The following DDX59 variants were observed in gnomAD, a reference collection of about 807,000 sequenced individuals.
The protein encoded by DDX59 is probable ATP-dependent RNA helicase DDX59.
In DDX59, 30 loss-of-function variants were observed where a neutral mutation model predicts 51.9. That is an observed-to-expected ratio of 0.58 (90% CI 0.43 to 0.78). The LOEUF (loss-of-function observed/expected upper bound fraction) is 0.78, where lower values mean the gene tolerates loss of function less well. Ranked by LOEUF, DDX59 falls within the 30% of genes least tolerant of loss-of-function variation. The pLI, the probability that DDX59 is intolerant of heterozygous loss-of-function variation, is 0.00. For synonymous variants in DDX59, 255 were observed against 253.3 expected (o/e 1.01, Z -0.06); for missense variants, 672 against 730.8 (o/e 0.92, Z 0.93).
chr1:200,658,699 T>C (rs1662187383), intron 4 of DDX59, among the ~76,000 whole-genome samples: 1 of 152,144 alleles, frequency 6.6e-6, no homozygotes, highest in Non-Finnish European at 1.5e-5. Context: ...AGCAAGACCC[T>C]GTCTCATTAC....
chr1:200,651,337 T>C (rs960751240), intron 4 of DDX59, among the ~76,000 whole-genome samples: 1 of 152,122 alleles, frequency 6.6e-6, no homozygotes, highest in Admixed American at 6.5e-5. Flanking sequence ...TAACCCACAA[T>C]GTACGGGTAA....
At chr1:200,642,567 A>G (rs1661078956), downstream of DDX59, among the ~76,000 whole-genome samples, 1 of 152,234 alleles carries the variant, frequency 6.6e-6, no homozygotes, top group Non-Finnish European at 1.5e-5. Context: ...ACAACAGAAG[A>G]GCAGACATGT....
In DDX59 at chr1:200,661,831, T is replaced by C. The variant is rs146273088; in HGVS notation, c.972+2088A>G. ...GTTTGGATCTGTGTCCCCACCCAAATTGCATGTCGAACTGTAATCCCCAAT... is the reference window on the plus strand; with the variant it reads ...GTTTGGATCTGTGTCCCCACCCAAACTGCATGTCGAACTGTAATCCCCAAT... On this transcript the variant is annotated intron_variant, in intron 3 of 7. Coordinates refer to ENST00000331314, the MANE Select transcript of DDX59 (RefSeq NM_001031725.6). 4.1e-3 allele frequency among the ~76,000 whole-genome samples: 631 copies of C among 152,310 alleles called. 3 individuals are homozygous for C. The highest frequency in any genetic ancestry group is 0.014 in the Middle Eastern group (4 of 294).
At chr1:200,650,952 A>G (rs1476990521) in intron 4 of DDX59, among the ~76,000 whole-genome samples, 1 of 152,208 alleles carries the variant, frequency 6.6e-6, no homozygotes, top group Non-Finnish European at 1.5e-5. Flanking sequence ...GGGATTTGCT[A>G]AATTATGGTA....
intron 3 of DDX59, 25 bp from the exon 4 acceptor site, chr1:200,659,141 T>TA (rs764557171): frequency 1.9e-6 from 3 of 1,559,076 alleles, no homozygotes; most frequent in East Asian, 2.2e-5. Context: ...AAAAGCAAAT[T>TA]AAAAAAATCA....
downstream of DDX59, among the ~76,000 whole-genome samples, chr1:200,643,676 C>G (rs569565393): frequency 1.2e-4 from 18 of 151,978 alleles, no homozygotes; most frequent in Non-Finnish European, 2.1e-4. Context: ...AAACAAAAAA[C>G]CTATTAATTG....
intron 3 of DDX59, 106 bp downstream of exon 3, chr1:200,663,813 G>C: frequency 1.8e-6 from 2 of 1,140,070 alleles, no homozygotes; most frequent in Non-Finnish European, 2.3e-6. Flanking sequence ...GAATTTAAAG[G>C]CTCTCTAAAA....
chr1:200,666,527 C>T lies in DDX59; in HGVS notation c.214G>A (p.Val72Ile), dbSNP rs1315130551. The T allele has an allele frequency of 1.9e-6, 3 of 1,614,108 alleles. No homozygotes were observed. Among genetic ancestry groups the T allele is most frequent in the Non-Finnish European group, 1.7e-6 (2 of 1,180,056 alleles). The change falls in exon 2 of 8, where the codon GTT becomes ATT. Residue 72 changes from valine to isoleucine, a missense_variant. Transcript: ENST00000331314. ...CCCTGCTCGGGACTTACTGAATGAA[C>T]CTCTGCCAACTGGCCACCTGGGCTG... ...FPSPGGQLAE[V>I]HSVSPEQGAK...
Position 200,663,965 on chromosome 1 carries a change from C to T in DDX59, c.926G>A (p.Gly309Asp). 1 of 1,614,110 alleles carries T rather than the reference C, an allele frequency of 6.2e-7. No homozygotes were observed. Among genetic ancestry groups the T allele is most frequent in the Non-Finnish European group, 8.5e-7 (1 of 1,179,976 alleles). The change falls in exon 3 of 8, where the codon GGC becomes GAC. Residue 309 changes from glycine (G) to aspartate (D), a missense_variant. Physicochemically the swap from Gly to Asp is moderately conservative, Grantham distance 94 (BLOSUM62 -1). Coordinates refer to ENST00000331314, the MANE Select transcript of DDX59 (RefSeq NM_001031725.6). ...ATAAAGCTGTGGGGGTAAGGGTAAGCCCCCTACAAGAAGCACAGTTTTCAT... is the reference window on the plus strand; with the variant it reads ...ATAAAGCTGTGGGGGTAAGGGTAAGTCCCCTACAAGAAGCACAGTTTTCAT... Reference protein sequence around the residue: ...PRMKTVLLVGGLPLPPQLYRL... With the variant: ...PRMKTVLLVGDLPLPPQLYRL...
At chr1:200,641,334 A>T, downstream of DDX59, 1 of 625,578 alleles carries the variant, frequency 1.6e-6, no homozygotes, top group Non-Finnish European at 2.4e-6. Context: ...TAAATTAATC[A>T]GTGAGTCACA....
intron 2 of DDX59, among the ~76,000 whole-genome samples, chr1:200,664,965 G>C (rs1198859937): frequency 1.3e-5 from 2 of 152,146 alleles, no homozygotes; most frequent in African/African-American, 4.8e-5. Flanking sequence ...GTGAGCCACT[G>C]TGCCCCGCCT....
chr1:200,665,894 G>T, intron 2 of DDX59, 43 bp downstream of exon 2: 1 of 1,514,944 alleles, frequency 6.6e-7, no homozygotes, highest in Non-Finnish European at 8.8e-7. Flanking sequence ...TACCTCACTT[G>T]TTTCCAAGAA....
intron 4 of DDX59, among the ~76,000 whole-genome samples, chr1:200,656,547 T>C (rs750710388): frequency 2.6e-5 from 4 of 152,238 alleles, no homozygotes; most frequent in Admixed American, 6.5e-5. Flanking sequence ...AGTTTCAGTA[T>C]ATAACTGATT....
intron 7 of DDX59, among the ~76,000 whole-genome samples, chr1:200,647,853 A>G (rs1661384103): frequency 6.6e-6 from 1 of 151,624 alleles, no homozygotes; most frequent in Non-Finnish European, 1.5e-5. Context: ...GGGCACCTGT[A>G]ATCCAAGTTA....
At chr1:200,646,434 A>T (rs1661300977) in intron 7 of DDX59, among the ~76,000 whole-genome samples, 1 of 152,226 alleles carries the variant, frequency 6.6e-6, no homozygotes, top group Non-Finnish European at 1.5e-5. Flanking sequence ...TAAAAACCCA[A>T]TTTAAAAATG....
chr1:200,648,176 A>G (rs1661414309), intron 7 of DDX59, among the ~76,000 whole-genome samples: 1 of 150,430 alleles, frequency 6.6e-6, no homozygotes, highest in Non-Finnish European at 1.5e-5. Context: ...AGCGCCTGCC[A>G]CCATACCAGG....
At chr1:200,646,923 T>A (rs893565715) in intron 7 of DDX59, among the ~76,000 whole-genome samples, 1 of 152,148 alleles carries the variant, frequency 6.6e-6, no homozygotes, top group Non-Finnish European at 1.5e-5. Context: ...TTTAAAAAAA[T>A]GAAGTACCGA....
At chr1:200,643,279 G>A (rs577066606), downstream of DDX59, among the ~76,000 whole-genome samples, 1 of 151,870 alleles carries the variant, frequency 6.6e-6, no homozygotes, top group East Asian at 1.9e-4. Flanking sequence ...AGGGTGAGAT[G>A]CTATCTCAAA....
At chr1:200,654,818 G>C (rs1158803780) in intron 4 of DDX59, 1 of 152,194 alleles carries the variant, frequency 6.6e-6, no homozygotes, top group Non-Finnish European at 1.5e-5. Flanking sequence ...CTGACTATTT[G>C]CATCTTCATC....
Sources: allele counts gnomAD v4.1 joint callset (sites outside exome capture counted in the v4.1 genomes callset), GRCh38; gene constraint gnomAD v4.1.1; transcripts MANE v1.5; gene names NCBI Gene and HGNC (gene_info 2026-07-23, HGNC 2026-07-21).